FNIP1: variants seen among roughly 807,000 people sequenced by gnomAD.
The protein encoded by FNIP1 is folliculin interacting protein 1, also known as folliculin-interacting protein 1.
A neutral mutation model predicts 124.5 loss-of-function variants in FNIP1; 40 were observed. The ratio of observed to expected loss-of-function variants is 0.32; its 90% CI spans 0.25 to 0.42. The LOEUF is 0.42. Ranked by LOEUF, FNIP1 falls within the 10% of genes least tolerant of loss-of-function variation. The pLI, the probability that FNIP1 is intolerant of heterozygous loss-of-function variation, is 1.00. For missense variants in FNIP1, 1,176 were observed against 1,403.7 expected (o/e 0.84, Z 2.59); for synonymous variants, 472 against 470.6 (o/e 1.00, Z -0.04).
intron 16 of FNIP1, among the ~76,000 whole-genome samples, chr5:131,650,883 T>C (rs1282579254): frequency 6.6e-6 from 1 of 152,114 alleles, no homozygotes; most frequent in East Asian, 1.9e-4. Context: ...TTACCAGTAT[T>C]ATAAAGAGAT....
chr5:131,695,678 G>A (rs1471977749), intron 11 of FNIP1, among the ~76,000 whole-genome samples: 3 of 152,102 alleles, frequency 2.0e-5, no homozygotes, highest in African/African-American at 7.2e-5. Context: ...ACAATATATG[G>A]GTTAATACAA....
chr5:131,691,374 C>T (rs1269508723), intron 11 of FNIP1, among the ~76,000 whole-genome samples: 1 of 152,072 alleles, frequency 6.6e-6, no homozygotes, highest in Non-Finnish European at 1.5e-5. Context: ...GTATTGAATA[C>T]ATATATTAGA....
At chr5:131,731,999 T>G (rs1199501137) in intron 2 of FNIP1, among the ~76,000 whole-genome samples, 1 of 152,234 alleles carries the variant, frequency 6.6e-6, no homozygotes, top group African/African-American at 2.4e-5. Flanking sequence ...AGAATGAACT[T>G]AGGACCAGAT....
Position 131,644,592 on chromosome 5 carries a change from A to G in FNIP1, c.*93T>C. On this transcript the variant is annotated 3_prime_UTR_variant, in exon 18 of 18. Coordinates refer to ENST00000510461, the MANE Select transcript of FNIP1 (RefSeq NM_133372.3). ...GACTGACTCATTCAGATGGAAGTCTAAAAGGGAAAAAGAATCTCCATAAAT... is the reference window on the plus strand; with the variant it reads ...GACTGACTCATTCAGATGGAAGTCTGAAAGGGAAAAAGAATCTCCATAAAT... 9.0e-7 allele frequency: 1 copy of G among 1,106,646 alleles called. No individual in the cohort carries two copies. Among genetic ancestry groups the G allele is most frequent in the Non-Finnish European group, 1.4e-6 (1 of 737,332 alleles). The allele number at this position is 1,106,646 out of a possible 1,614,324, so 68.6% of individuals were successfully genotyped here.
At chr5:131,757,330 T>C (rs1243258908) in intron 1 of FNIP1, among the ~76,000 whole-genome samples, 3 of 152,162 alleles carry the variant, frequency 2.0e-5, no homozygotes, top group African/African-American at 7.2e-5. Flanking sequence ...GTTAGATGTA[T>C]GGGCTGCTTA....
intron 15 of FNIP1, among the ~76,000 whole-genome samples, chr5:131,666,264 G>A (rs1767602141): frequency 6.6e-6 from 1 of 152,108 alleles, no homozygotes; most frequent in Admixed American, 6.6e-5. Flanking sequence ...TCAGTGCTGA[G>A]ATTGAAGGTA....
At chr5:131,793,933 G>C (rs1423938621) in intron 1 of FNIP1, among the ~76,000 whole-genome samples, 1 of 151,884 alleles carries the variant, frequency 6.6e-6, no homozygotes, top group Non-Finnish European at 1.5e-5. Context: ...CAAAAACCTG[G>C]GTTATATAAA....
At chr5:131,659,043 C>T (rs553287344) in intron 15 of FNIP1, among the ~76,000 whole-genome samples, 26 of 152,018 alleles carry the variant, frequency 1.7e-4, no homozygotes, top group South Asian at 4.1e-4. Flanking sequence ...AGTAACAGTC[C>T]GCCTAGAAGC....
At position 131,719,393 on chromosome 5, in the gene FNIP1, T is replaced by C. The variant is rs755957980; in HGVS notation, c.379A>G (p.Asn127Asp). 9 of 1,613,262 alleles carry C rather than the reference T, an allele frequency of 5.6e-6. No homozygotes were observed. In the South Asian group the frequency reaches 6.6e-5, roughly 12 times the overall value. The change falls in exon 4 of 18, where the codon AAT (asparagine) becomes GAT (aspartate). Residue 127 changes from asparagine (N) to aspartate (D), a missense_variant. Physicochemically the swap from Asn to Asp is conservative, Grantham distance 23. Transcript: ENST00000510461. Reference protein sequence around the residue: ...YQGSRCSSDANMLGEMMFGSV... With the variant: ...YQGSRCSSDADMLGEMMFGSV... ...CCAAACATCATCTCTCCAAGCATAT[T>C]GGCATCAGAAGAGCACCGAGAACCC...
At chr5:131,679,251 T>A in intron 11 of FNIP1, 76 bp from the exon 12 acceptor site, 1 of 872,554 alleles carries the variant, frequency 1.1e-6, no homozygotes, top group Non-Finnish European at 1.9e-6. Flanking sequence ...TAAGTTTATA[T>A]TGCCAGCTTG....
intron 1 of FNIP1, among the ~76,000 whole-genome samples, chr5:131,794,229 TAAAAA>T (rs60617618): frequency 6.2e-5 from 3 of 48,448 alleles, no homozygotes; most frequent in Admixed American, 2.5e-4. Context: ...AGACTCCATC[TAAAAA>T]AAAAAAAAAA....
At chr5:131,745,826 C>T (rs544371935) in intron 1 of FNIP1, among the ~76,000 whole-genome samples, 7 of 152,248 alleles carry the variant, frequency 4.6e-5, no homozygotes, top group African/African-American at 7.2e-5. Context: ...AGGTTAAAAA[C>T]GTGCAACGTT....
chr5:131,701,349 A>G (rs1426798193), intron 10 of FNIP1, among the ~76,000 whole-genome samples: 1 of 152,224 alleles, frequency 6.6e-6, no homozygotes, highest in East Asian at 1.9e-4. Flanking sequence ...CTTGAAAAGT[A>G]ATCTTTAATG....
At chr5:131,725,862 A>C (rs1483482961) in intron 3 of FNIP1, among the ~76,000 whole-genome samples, 3 of 152,146 alleles carry the variant, frequency 2.0e-5, no homozygotes, top group Non-Finnish European at 2.9e-5. Flanking sequence ...TTATTTTGAG[A>C]TATATTCCAT....
At chr5:131,721,246 T>C (rs1769650094) in intron 3 of FNIP1, among the ~76,000 whole-genome samples, 1 of 152,080 alleles carries the variant, frequency 6.6e-6, no homozygotes, top group African/African-American at 2.4e-5. Context: ...AAATACTGCA[T>C]GATAAGATAA....
At chr5:131,749,392 C>CTTTT (rs1330566507) in intron 1 of FNIP1, among the ~76,000 whole-genome samples, 1 of 133,100 alleles carries the variant, frequency 7.5e-6, no homozygotes, top group African/African-American at 2.7e-5. Context: ...CACTTTTTAT[C>CTTTT]TTTTTTTTTT....
intron 1 of FNIP1, among the ~76,000 whole-genome samples, chr5:131,762,272 C>G (rs1771256863): frequency 6.6e-6 from 1 of 152,114 alleles, no homozygotes; most frequent in East Asian, 1.9e-4. Flanking sequence ...TAAAAAGTTT[C>G]TGCACAGTAA....
chr5:131,775,818 T>C (rs1580829505), intron 1 of FNIP1, among the ~76,000 whole-genome samples: 2 of 152,144 alleles, frequency 1.3e-5, no homozygotes. Context: ...AGGAGCCACC[T>C]TGCCCAGCCC....
chr5:131,783,048 T>C (rs989368944), intron 1 of FNIP1, among the ~76,000 whole-genome samples: 1 of 152,232 alleles, frequency 6.6e-6, no homozygotes, highest in Non-Finnish European at 1.5e-5. Context: ...GACTACAGCG[T>C]AGTGTAAATG....
Sources: allele counts gnomAD v4.1 joint callset (sites outside exome capture counted in the v4.1 genomes callset), GRCh38; gene constraint gnomAD v4.1.1; transcripts MANE v1.5; gene names NCBI Gene and HGNC (gene_info 2026-07-23, HGNC 2026-07-21).